MEMO1: variants seen among roughly 807,000 people sequenced by gnomAD.
MEMO1 encodes the protein protein MEMO1.
A neutral mutation model predicts 45.2 loss-of-function variants in MEMO1; 6 were observed. That is an observed-to-expected ratio of 0.13 (90% confidence interval 0.07 to 0.26). The LOEUF (loss-of-function observed/expected upper bound fraction) is 0.26. MEMO1 is among the 10% of genes least tolerant of loss of function. The pLI, the probability that MEMO1 is intolerant of heterozygous loss-of-function variation, is 1.00. For synonymous variants in MEMO1, 78 were observed against 124.3 expected, an observed-to-expected ratio of 0.63 and a Z score of 2.48; for missense variants, 184 against 370.5, an observed-to-expected ratio of 0.50 and a Z score of 4.13.
At chr2:31,920,931 A>T (rs1682232121) in intron 4 of MEMO1, 21 bp from the exon 5 acceptor site, 8 of 1,497,622 alleles carry the variant, frequency 5.3e-6, no homozygotes, top group Non-Finnish European at 6.4e-6. Flanking sequence ...CACAACAAAA[A>T]AACACGTAAC....
At chr2:31,939,121 A>G (rs1201028826) in intron 3 of MEMO1, among the ~76,000 whole-genome samples, 1 of 152,080 alleles carries the variant, frequency 6.6e-6, no homozygotes, top group African/African-American at 2.4e-5. Flanking sequence ...AAAAAAAAAA[A>G]AAGATAGCCT....
chr2:31,986,420 C>T (rs1242844653), intron 2 of MEMO1, among the ~76,000 whole-genome samples: 2 of 151,902 alleles, frequency 1.3e-5, no homozygotes, highest in Non-Finnish European at 2.9e-5. Flanking sequence ...TGCAGTGAGC[C>T]GAGGTTGCGC....
At chr2:31,900,187 C>A (rs182101337) in intron 6 of MEMO1, among the ~76,000 whole-genome samples, 2 of 152,260 alleles carry the variant, frequency 1.3e-5, no homozygotes, top group South Asian at 2.1e-4. Flanking sequence ...TGGGTATATA[C>A]CCAAAGGATT....
At chr2:31,887,336 A>C (rs950559881) in intron 7 of MEMO1, among the ~76,000 whole-genome samples, 2 of 152,344 alleles carry the variant, frequency 1.3e-5, no homozygotes, top group Middle Eastern at 3.4e-3. Flanking sequence ...TGCAAAAATA[A>C]ATAATGACCT....
At chr2:31,922,909 A>C (rs1041757740) in intron 4 of MEMO1, among the ~76,000 whole-genome samples, 3 of 152,034 alleles carry the variant, frequency 2.0e-5, no homozygotes, top group Non-Finnish European at 2.9e-5. Context: ...TGTCTTTACT[A>C]TTGTGAACAG....
intron 2 of MEMO1, among the ~76,000 whole-genome samples, chr2:32,009,818 G>C (rs1674595583): frequency 6.6e-6 from 1 of 152,100 alleles, no homozygotes; most frequent in Non-Finnish European, 1.5e-5. Flanking sequence ...GGCAGCGGCC[G>C]GCCGCACGCT....
At chr2:31,898,757 T>G (rs1678279288) in intron 6 of MEMO1, among the ~76,000 whole-genome samples, 1 of 152,204 alleles carries the variant, frequency 6.6e-6, no homozygotes, top group Non-Finnish European at 1.5e-5. Context: ...GTTCAAGTCC[T>G]GAATATCCTT....
chr2:31,885,335 G>T (rs953342577), intron 7 of MEMO1, among the ~76,000 whole-genome samples: 20 of 152,054 alleles, frequency 1.3e-4, no homozygotes, highest in Admixed American at 6.6e-5. Context: ...GGCCAGGCTG[G>T]TCTCAAACTC....
chr2:31,957,116 T>C (rs982587063), intron 2 of MEMO1, among the ~76,000 whole-genome samples: 1 of 144,618 alleles, frequency 6.9e-6, no homozygotes, highest in African/African-American at 2.6e-5. Context: ...CACTCCAGCC[T>C]GGTCAACGAA....
At chr2:31,992,126 G>A (rs1320859365) in intron 2 of MEMO1, among the ~76,000 whole-genome samples, 1 of 152,080 alleles carries the variant, frequency 6.6e-6, no homozygotes, top group Non-Finnish European at 1.5e-5. Context: ...ACATAAAAAG[G>A]CATATTTCTT....
chr2:31,869,967 AAAG>A lies in MEMO1; in HGVS notation c.658-18_658-16del, dbSNP rs201361499. The A allele has an allele frequency of 9.2e-3, 13,363 of 1,445,080 alleles. 67 individuals carry two copies. The highest frequency in any genetic ancestry group is 0.025 in the South Asian group (1,662 of 65,700). 89.5% of individuals were successfully genotyped at this position (1,445,080 alleles called of 1,614,324 possible). Reference sequence around the variant, plus strand: ...ATACTCATACCCTAAAAAAAAAAAAAAAGAAGAGGAAGAAAAAAATAAAAGAAG... The same window carrying A: ...ATACTCATACCCTAAAAAAAAAAAAAAAGAGGAAGAAAAAAATAAAAGAAG... On this transcript the variant is annotated splice_polypyrimidine_tract_variant and intron_variant, in intron 8 of 9. Transcript: ENST00000404530.
In MEMO1 at chr2:31,957,083, G is replaced by A. The variant is rs377051946; in HGVS notation, c.62-13700C>T. 2.1e-4 allele frequency among the ~76,000 whole-genome samples: 32 copies of A among 151,524 alleles called. No individual in the cohort carries two copies. The East Asian group carries it at 5.6e-3, about 27-fold the overall frequency. On this transcript the variant is annotated intron_variant, in intron 2 of 9. Transcript: ENST00000404530. ...CTTGAACCAGGGAGGTGGAGATTGC[G>A]GTGAAATGAAATCGTGCCATTGCAC...
intron 3 of MEMO1, among the ~76,000 whole-genome samples, chr2:31,943,025 G>A (rs1341454509): frequency 1.3e-5 from 2 of 152,150 alleles, no homozygotes; most frequent in African/African-American, 2.4e-5. Context: ...AGGCGTGAGC[G>A]AGACCGAGGC....
intron 2 of MEMO1, among the ~76,000 whole-genome samples, chr2:31,974,600 C>A (rs1669786972): frequency 1.3e-5 from 2 of 152,034 alleles, no homozygotes; most frequent in South Asian, 2.1e-4. Context: ...CAAAAATTAG[C>A]CGGGCATGGT....
At chr2:32,002,672 G>C (rs1673558701) in intron 2 of MEMO1, among the ~76,000 whole-genome samples, 1 of 152,036 alleles carries the variant, frequency 6.6e-6, no homozygotes, top group Non-Finnish European at 1.5e-5. Flanking sequence ...CTACCTTGGA[G>C]GGTCCTTTTG....
chr2:31,952,411 T>A (rs1333475929), intron 2 of MEMO1, among the ~76,000 whole-genome samples: 2 of 152,248 alleles, frequency 1.3e-5, no homozygotes, highest in African/African-American at 4.8e-5. Flanking sequence ...TCCGTTCATA[T>A]ATAGTCTCAA....
chr2:31,888,655 A>C (rs1462888249), intron 7 of MEMO1, among the ~76,000 whole-genome samples: 1 of 152,120 alleles, frequency 6.6e-6, no homozygotes, highest in Non-Finnish European at 1.5e-5. Flanking sequence ...CTTTTCACTT[A>C]ATCTACTTCC....
chr2:31,951,898 C>A (rs1666886199), intron 2 of MEMO1, among the ~76,000 whole-genome samples: 1 of 152,298 alleles, frequency 6.6e-6, no homozygotes, highest in South Asian at 2.1e-4. Context: ...ATTACTAATG[C>A]TCTACTATGA....
chr2:31,961,777 CAA>C (rs768621938), intron 2 of MEMO1, among the ~76,000 whole-genome samples: 3 of 136,056 alleles, frequency 2.2e-5, no homozygotes, highest in Non-Finnish European at 1.6e-5. Flanking sequence ...GACCCTGACT[CAA>C]AAAAAAAAAA....
Sources: allele counts gnomAD v4.1 joint callset (sites outside exome capture counted in the v4.1 genomes callset), GRCh38; gene constraint gnomAD v4.1.1; transcripts MANE v1.5; gene names NCBI Gene and HGNC (gene_info 2026-07-23, HGNC 2026-07-21).